Variants in SP100 observed in about 807,000 individuals in gnomAD.
SP100 encodes the protein SP100 nuclear body protein.
SP100 carries 84 observed loss-of-function variants against 130.0 expected under a neutral mutation model. That is an observed-to-expected ratio of 0.65 (90% CI 0.54 to 0.77). SP100 has a LOEUF of 0.77. Among genes scored for constraint, SP100 ranks in the 30% least tolerant of loss-of-function variants. The probability of loss-of-function intolerance (pLI) is 0.00; values close to 1 mark genes in which losing one functional copy is unlikely to be tolerated. For synonymous variants in SP100, 331 were observed against 351.7 expected, an observed-to-expected ratio of 0.94 and a Z score of 0.66; for missense variants, 978 against 1,052.2, an observed-to-expected ratio of 0.93 and a Z score of 0.97.
chr2:230,427,225 T>C (rs996571187), intron 2 of SP100, among the ~76,000 whole-genome samples: 1 of 152,030 alleles, frequency 6.6e-6, no homozygotes, highest in Non-Finnish European at 1.5e-5. Flanking sequence ...GCAGTGGTGC[T>C]ATCTCGGCTT....
intron 2 of SP100, among the ~76,000 whole-genome samples, chr2:230,427,777 A>T (rs1466778011): frequency 6.6e-6 from 1 of 152,162 alleles, no homozygotes; most frequent in Non-Finnish European, 1.5e-5. Context: ...TAGCTATACC[A>T]TCCTATTTTA....
chr2:230,487,469 A>G (rs141510216), intron 17 of SP100, among the ~76,000 whole-genome samples: 14 of 152,182 alleles, frequency 9.2e-5, no homozygotes, highest in South Asian at 6.2e-4. Flanking sequence ...TTTGTCAAAG[A>G]TCAGATGGTT....
rs774900922 is a variant in SP100 at position 230,461,411 on chromosome 2, A to G, written c.970A>G (p.Ile324Val). The G allele has an allele frequency of 1.9e-5, 30 of 1,613,948 alleles. No homozygotes were observed. The highest frequency in any genetic ancestry group is 2.5e-5 in the Non-Finnish European group (29 of 1,179,930). Residue 324 changes from isoleucine to valine, a missense_variant, in exon 9 of 29, where the codon ATA becomes GTA. Transcript: ENST00000340126. ...RTHHNQASDIIVISSEDSEGS... is the reference protein window; with the variant it reads ...RTHHNQASDIVVISSEDSEGS... The stretch of plus-strand genomic sequence containing the variant: ...TCATCATAACCAGGCATCTGACATA[A>G]TAGGTAAGGCTGACTGGGAGAGTTT...
At chr2:230,509,407 GT>G (rs1690406963) in intron 23 of SP100, 1 of 152,212 alleles carries the variant, frequency 6.6e-6, no homozygotes, top group South Asian at 2.1e-4. Context: ...TAGAGATTCA[GT>G]GACTAGGCTC....
intron 2 of SP100, among the ~76,000 whole-genome samples, chr2:230,432,729 A>G (rs1478241204): frequency 2.6e-5 from 4 of 152,138 alleles, no homozygotes; most frequent in African/African-American, 9.7e-5. Context: ...TTCTTTACAT[A>G]TCTGAATACA....
At chr2:230,506,617 A>G (rs1213117407) in intron 22 of SP100, 172 bp downstream of exon 22, 1 of 611,042 alleles carries the variant, frequency 1.6e-6, no homozygotes, top group African/African-American at 1.9e-5. Context: ...TGGCTGGCTT[A>G]TATTACAGCT....
intron 24 of SP100, among the ~76,000 whole-genome samples, chr2:230,536,748 G>T (rs1193506467): frequency 1.0e-5 from 1 of 95,602 alleles, no homozygotes; most frequent in Admixed American, 1.1e-4. Context: ...CCCGACTAAA[G>T]CCTTCTTGCT....
rs527650838 is a variant in SP100, at chr2:230,416,587, G to A, written c.32+259G>A. Among the ~76,000 whole-genome samples the A allele has an allele frequency of 7.4e-4, 113 of 152,254 alleles. 1 individual carries two copies. Among genetic ancestry groups the A allele is most frequent in the South Asian group, 1.7e-3 (8 of 4,824 alleles). On this transcript the variant is annotated intron_variant, in intron 1 of 28. Coordinates refer to ENST00000340126, the MANE Select transcript of SP100 (RefSeq NM_001080391.2). Reference sequence around the variant, plus strand: ...TTTTGGATTTACTGCTCAGCTGACCGGGACACTCTAAACATAGCAGTTGTT... The same window carrying A: ...TTTTGGATTTACTGCTCAGCTGACCAGGACACTCTAAACATAGCAGTTGTT...
intron 24 of SP100, among the ~76,000 whole-genome samples, chr2:230,527,197 G>A (rs919965770): frequency 6.6e-6 from 1 of 152,174 alleles, no homozygotes; most frequent in African/African-American, 2.4e-5. Context: ...TACCCACAAA[G>A]GGAAGCCCAT....
At position 230,434,225 on chromosome 2, in the gene SP100, T is replaced by G. The variant is rs571554029; in HGVS notation, c.108-8712T>G. Among the ~76,000 whole-genome samples the G allele has an allele frequency of 2.0e-5, 3 of 152,266 alleles. No homozygotes were observed. In the East Asian group the frequency reaches 5.8e-4, roughly 29 times the overall value. On this transcript the variant is annotated intron_variant, in intron 2 of 28. Coordinates refer to ENST00000340126, the MANE Select transcript of SP100 (RefSeq NM_001080391.2). The stretch of plus-strand genomic sequence containing the variant: ...TGAACAACAAAACTATGACTGTCTA[T>G]CCAAATTACTAGAATTAAATAGCTA...
chr2:230,475,265 C>A (rs1322794402), intron 17 of SP100, among the ~76,000 whole-genome samples: 1 of 152,036 alleles, frequency 6.6e-6, no homozygotes, highest in Admixed American at 6.6e-5. Context: ...CACTGTGATT[C>A]TGATTTGCAT....
rs186957717 is a variant in SP100 at position 230,437,849 on chromosome 2, C to T, written c.108-5088C>T. Among the ~76,000 whole-genome samples, 6 of 152,282 alleles carry T rather than the reference C, an allele frequency of 3.9e-5. No individual in the cohort carries two copies. In the East Asian group the frequency reaches 1.2e-3, roughly 29 times the overall value. ...GGGATTACAGGCATGAGCCACTGCG[C>T]CCAGCCGTGTTCTCTGTTTTTAAGT... On this transcript the variant is annotated intron_variant, in intron 2 of 28. Coordinates refer to ENST00000340126, the MANE Select transcript of SP100 (RefSeq NM_001080391.2).
intron 13 of SP100, among the ~76,000 whole-genome samples, chr2:230,468,161 T>A (rs2065056650): frequency 6.6e-6 from 1 of 152,208 alleles, no homozygotes; most frequent in Non-Finnish European, 1.5e-5. Context: ...ATCTTTTTTC[T>A]TTGCACATCA....
intron 2 of SP100, 112 bp from the exon 3 acceptor site, chr2:230,442,825 A>C: frequency 1.1e-6 from 1 of 912,830 alleles, no homozygotes; most frequent in Non-Finnish European, 1.7e-6. Flanking sequence ...GGACCACCTA[A>C]TTTATATATG....
Position 230,543,659 on chromosome 2 carries a change from T to C in SP100, c.*713T>C, listed in dbSNP as rs1226721057. On this transcript the variant is annotated 3_prime_UTR_variant, in exon 29 of 29. Transcript: ENST00000340126. The stretch of plus-strand genomic sequence containing the variant: ...AAACACTGCTCAAAGAGATTGGAGA[T>C]GACACAAACAAATGGAAAAACATCC... 6.6e-6 allele frequency: 1 copy of C among 152,054 alleles called. No homozygotes were observed. Among genetic ancestry groups the C allele is most frequent in the African/African-American group, 2.4e-5 (1 of 41,384 alleles). The allele number at this position is 152,054 out of a possible 1,614,324, so 9.4% of individuals were successfully genotyped here.
intron 2 of SP100, among the ~76,000 whole-genome samples, chr2:230,422,570 T>C (rs55770359): frequency 0.13 from 20,111 of 152,246 alleles, 1,725 homozygotes; most frequent in Non-Finnish European, 0.19. Flanking sequence ...TTTTTGTTTT[T>C]TCATTCTGTG....
chr2:230,538,383 G>A (rs573091066), intron 24 of SP100: 3 of 152,160 alleles, frequency 2.0e-5, no homozygotes, highest in Non-Finnish European at 4.4e-5. Context: ...TAAAAATAGT[G>A]GTCAGCATCG....
intron 25 of SP100, among the ~76,000 whole-genome samples, chr2:230,540,645 C>T (rs1692135578): frequency 6.6e-6 from 1 of 152,158 alleles, no homozygotes; most frequent in African/African-American, 2.4e-5. Context: ...GATTCTGTCA[C>T]TCATGGGGCA....
At chr2:230,433,421 A>C (rs1462334456) in intron 2 of SP100, among the ~76,000 whole-genome samples, 1 of 152,164 alleles carries the variant, frequency 6.6e-6, no homozygotes, top group Non-Finnish European at 1.5e-5. Context: ...TGAAATCACA[A>C]AGTATAAGTC....
Sources: allele counts gnomAD v4.1 joint callset (sites outside exome capture counted in the v4.1 genomes callset), GRCh38; gene constraint gnomAD v4.1.1; transcripts MANE v1.5; gene names NCBI Gene and HGNC (gene_info 2026-07-23, HGNC 2026-07-21).